NCOR2: variants seen among roughly 807,000 people sequenced by gnomAD.
NCOR2 encodes the protein nuclear receptor corepressor 2, also known as CTG repeat protein 26.
In NCOR2, 81 loss-of-function variants were observed where a neutral mutation model predicts 262.9. The ratio of observed to expected loss-of-function variants is 0.31; its 90% confidence interval spans 0.26 to 0.37. The LOEUF is 0.37. NCOR2 is among the 10% of genes least tolerant of loss of function. NCOR2 has a pLI of 1.00. For missense variants in NCOR2, 3,385 were observed against 3,621.4 expected, an observed-to-expected ratio of 0.93 and a Z score of 1.68; for synonymous variants, 1,659 against 1,559.3, an observed-to-expected ratio of 1.06 and a Z score of -1.51.
At chr12:124,372,696 G>A (rs1015279023) in intron 19 of NCOR2, 86 bp from the exon 22 acceptor site, 8 of 1,223,064 alleles carry the variant, frequency 6.5e-6, no homozygotes, top group Non-Finnish European at 9.2e-6. Flanking sequence ...TCCGGATGAG[G>A]CCGCTCTGTC....
chr12:124,336,704 C>T (rs1247025773), intron 38 of NCOR2, 49 bp downstream of exon 40: 2 of 1,597,894 alleles, frequency 1.3e-6, no homozygotes, highest in Non-Finnish European at 1.7e-6. Flanking sequence ...AGCAATTTGA[C>T]GCATGATAAT....
At chr12:124,362,213 G>T in exon 22 of NCOR2, 1 of 1,312,550 alleles carries the variant, frequency 7.6e-7, no homozygotes, top group South Asian at 2.9e-5. Context: ...TCCGGCTGCA[G>T]GTTTTGCGGT....
intron 27 of NCOR2, among the ~76,000 whole-genome samples, chr12:124,352,333 A>T (rs1425947804): frequency 6.6e-6 from 1 of 152,134 alleles, no homozygotes; most frequent in East Asian, 1.9e-4. Context: ...CACCACAATA[A>T]ATGATTTAAA....
intron 6 of NCOR2, among the ~76,000 whole-genome samples, chr12:124,452,139 G>A (rs930920772): frequency 6.6e-6 from 1 of 152,242 alleles, no homozygotes; most frequent in African/African-American, 2.4e-5. Flanking sequence ...GAACAAGAGG[G>A]AGAAGTGGGC....
exon 20 of NCOR2, chr12:124,372,194 C>T: frequency 6.2e-7 from 1 of 1,601,846 alleles, no homozygotes; most frequent in Non-Finnish European, 8.5e-7. Context: ...GCCTCCGCGT[C>T]CTTGCCCTTG....
At chr12:124,399,455 A>G (rs956119955) in intron 15 of NCOR2, among the ~76,000 whole-genome samples, 1 of 152,162 alleles carries the variant, frequency 6.6e-6, no homozygotes, top group Non-Finnish European at 1.5e-5. Flanking sequence ...CTCCAAGTAC[A>G]CCGCCACCAA....
intron 3 of NCOR2, among the ~76,000 whole-genome samples, chr12:124,475,432 C>CCTGGAGGCCACTGGGG (rs2047057060): frequency 6.6e-6 from 1 of 152,220 alleles, no homozygotes; most frequent in South Asian, 2.1e-4. Context: ...AGAAACAGAG[C>CCTGGAGGCCACTGGGG]CTGGAGGCCA....
chr12:124,360,886 G>GT (rs1292550222), intron 22 of NCOR2, among the ~76,000 whole-genome samples: 1 of 152,088 alleles, frequency 6.6e-6, no homozygotes, highest in African/African-American at 2.4e-5. Context: ...ATCTTGCTTC[G>GT]TTACGTGTTC....
intron 20 of NCOR2, among the ~76,000 whole-genome samples, chr12:124,366,769 T>C (rs1330042670): frequency 6.6e-6 from 1 of 152,166 alleles, no homozygotes; most frequent in African/African-American, 2.4e-5. Context: ...CCTCCTGCTT[T>C]AGCCACTCAA....
chr12:124,422,617 G>C (rs532016626), intron 11 of NCOR2, 62 bp from the exon 14 acceptor site: 3 of 1,593,536 alleles, frequency 1.9e-6, no homozygotes, highest in Non-Finnish European at 2.6e-6. Context: ...CGGGGCAGCC[G>C]ATCGGCTCCC....
intron 42 of NCOR2, among the ~76,000 whole-genome samples, chr12:124,332,677 C>T (rs1296994969): frequency 6.6e-6 from 1 of 152,120 alleles, no homozygotes; most frequent in Non-Finnish European, 1.5e-5. Flanking sequence ...TCTTGGGAGA[C>T]GCCTGGCTGC....
Position 124,443,094 on chromosome 12 carries a change from G to A in NCOR2, c.816-5098C>T, listed in dbSNP as rs1457677803. On this transcript the variant is annotated intron_variant, in intron 7 of 46. Transcript: ENST00000405201. This position sits in a 1 kb window ranked among gnomAD's most constrained non-coding sequence, Gnocchi z 4.4. ...CAACTGCTGGCCTCCAGTACTGTGA[G>A]AGAAGAAAGTTCCTGCCATTTTCAG... 2.0e-5 allele frequency among the ~76,000 whole-genome samples: 3 copies of A among 152,250 alleles called. No individual in the cohort carries two copies. The highest frequency in any genetic ancestry group is 4.4e-5 in the Non-Finnish European group (3 of 68,056).
At chr12:124,351,578 G>A (rs530869581) in intron 27 of NCOR2, among the ~76,000 whole-genome samples, 4 of 152,176 alleles carry the variant, frequency 2.6e-5, no homozygotes, top group Non-Finnish European at 4.4e-5. Flanking sequence ...GTTGGAGGAT[G>A]TGTTCAAGCA....
intron 7 of NCOR2, among the ~76,000 whole-genome samples, chr12:124,442,870 A>C (rs2044901672): frequency 6.6e-6 from 1 of 152,222 alleles, no homozygotes; most frequent in African/African-American, 2.4e-5. Flanking sequence ...AAATTTGGAC[A>C]AAAAGACAGA....
chr12:124,341,622 G>A (rs1173722161), intron 34 of NCOR2, among the ~76,000 whole-genome samples: 2 of 152,146 alleles, frequency 1.3e-5, no homozygotes, highest in Admixed American at 1.3e-4. Context: ...GCAGCCAGGA[G>A]CCACACGCTG....
intron 4 of NCOR2, among the ~76,000 whole-genome samples, chr12:124,467,067 A>AC (rs926475209): frequency 1.9e-5 from 2 of 105,530 alleles, no homozygotes; most frequent in African/African-American, 7.6e-5. Context: ...CATCCTCATC[A>AC]CCCCCATCAT....
intron 5 of NCOR2, 73 bp downstream of exon 7, chr12:124,466,100 G>A: frequency 7.2e-7 from 1 of 1,394,240 alleles, no homozygotes; most frequent in African/African-American, 1.5e-5. Context: ...ACTGAGGCCT[G>A]ATTCATGGTG....
chr12:124,511,992 GCTTACTGCAGC>G (rs1323084534), intron 1 of NCOR2, among the ~76,000 whole-genome samples: 3 of 152,180 alleles, frequency 2.0e-5, no homozygotes, highest in Admixed American at 2.0e-4. Context: ...CACAATCATG[GCTTACTGCAGC>G]CTTGACCTCC....
chr12:124,494,219 A>G (rs2048252076), intron 1 of NCOR2, among the ~76,000 whole-genome samples: 1 of 148,582 alleles, frequency 6.7e-6, no homozygotes, highest in African/African-American at 2.5e-5. Context: ...CAGGCAGGAC[A>G]GACACACACA....
Sources: allele counts gnomAD v4.1 joint callset (sites outside exome capture counted in the v4.1 genomes callset), GRCh38; gene constraint gnomAD v4.1.1; non-coding constraint Gnocchi (gnomAD v3.1); transcripts MANE v1.5; gene names NCBI Gene and HGNC (gene_info 2026-07-23, HGNC 2026-07-21).